The following CILK1 variants were observed in gnomAD, a reference collection of about 807,000 sequenced individuals.
CILK1 encodes the protein serine/threonine-protein kinase ICK.
CILK1 carries 47 observed loss-of-function variants against 79.2 expected under a neutral mutation model. The ratio of observed to expected loss-of-function variants is 0.59; its 90% CI spans 0.47 to 0.76. The LOEUF (loss-of-function observed/expected upper bound fraction) is 0.76. Ranked by LOEUF, CILK1 falls within the 30% of genes least tolerant of loss-of-function variation. The pLI, the probability that CILK1 is intolerant of heterozygous loss-of-function variation, is 0.00. For synonymous variants in CILK1, 266 were observed against 275.9 expected (o/e 0.96, Z 0.36); for missense variants, 660 against 769.5 (o/e 0.86, Z 1.68).
chr6:53,047,076 A>G (rs1767128199), intron 1 of CILK1, among the ~76,000 whole-genome samples: 1 of 152,150 alleles, frequency 6.6e-6, no homozygotes, highest in Non-Finnish European at 1.5e-5. Context: ...AACCTTTAAC[A>G]TTTACTCATG....
At chr6:53,012,619 C>T (rs1764643831) in intron 9 of CILK1, among the ~76,000 whole-genome samples, 1 of 152,108 alleles carries the variant, frequency 6.6e-6, no homozygotes, top group African/African-American at 2.4e-5. Flanking sequence ...GAAATCAATG[C>T]AAATAATGCT....
intron 9 of CILK1, among the ~76,000 whole-genome samples, chr6:53,012,973 A>C (rs899274774): frequency 6.6e-6 from 1 of 152,254 alleles, no homozygotes; most frequent in African/African-American, 2.4e-5. Context: ...GAGCAGAAAG[A>C]TCTGGGCTCA....
At chr6:53,023,999 G>C (rs1057468485) in intron 5 of CILK1, among the ~76,000 whole-genome samples, 1 of 152,178 alleles carries the variant, frequency 6.6e-6, no homozygotes, top group Non-Finnish European at 1.5e-5. Flanking sequence ...CCCACCACGG[G>C]GTTGCTTTTA....
Position 53,003,079 on chromosome 6 carries a change from T to C in CILK1, c.*2070A>G, listed in dbSNP as rs1764018867. On this transcript the variant is annotated 3_prime_UTR_variant, in exon 14 of 14. Transcript: ENST00000676107. ...TCATCTCTGAAAACACATGTTCTGA[T>C]GCTTTAGATAACGAGTTGAGAATAT... The C allele has an allele frequency of 6.5e-6, 1 of 152,692 alleles. No homozygotes were observed. Among genetic ancestry groups the C allele is most frequent in the Admixed American group, 6.5e-5 (1 of 15,288 alleles). 9.5% of individuals were successfully genotyped at this position (152,692 alleles called of 1,614,324 possible).
intron 8 of CILK1, among the ~76,000 whole-genome samples, chr6:53,015,452 T>C (rs1222061179): frequency 1.3e-5 from 2 of 152,254 alleles, no homozygotes; most frequent in Non-Finnish European, 2.9e-5. Flanking sequence ...TGTAGTTAGT[T>C]GCACTATTTG....
intron 1 of CILK1, among the ~76,000 whole-genome samples, chr6:53,042,091 GT>G (rs1421609122): frequency 6.6e-6 from 1 of 152,092 alleles, no homozygotes; most frequent in African/African-American, 2.4e-5. Context: ...GTTATATGTT[GT>G]TTGGCATAAA....
At chr6:53,018,640 A>G (rs1765037580) in intron 6 of CILK1, 139 bp from the exon 7 acceptor site, 2 of 825,364 alleles carry the variant, frequency 2.4e-6, no homozygotes, top group African/African-American at 3.5e-5. Context: ...AATTGTGAGA[A>G]CTTGGCAACT....
intron 12 of CILK1, among the ~76,000 whole-genome samples, chr6:53,006,794 T>TC: frequency 6.6e-6 from 1 of 152,244 alleles, no homozygotes; most frequent in Non-Finnish European, 1.5e-5. Context: ...AGAATAGTTA[T>TC]CCTTCCATGT....
At chr6:53,032,987 G>A (rs1766071135) in intron 3 of CILK1, among the ~76,000 whole-genome samples, 1 of 152,214 alleles carries the variant, frequency 6.6e-6, no homozygotes, top group South Asian at 2.1e-4. Context: ...AGAAGCCAGA[G>A]GGGAATCAAT....
Position 53,018,376 on chromosome 6 carries a change from A to T in CILK1, c.617T>A (p.Ile206Asn). The change falls in exon 7 of 14, where the codon ATT becomes AAT. Residue 206 changes from isoleucine (I) to asparagine (N), a missense_variant. By Grantham distance (149) the Ile-to-Asn change is moderately radical. Coordinates refer to ENST00000676107, the MANE Select transcript of CILK1 (RefSeq NM_014920.5). ...TTGGCAAATTTTGAATATTGTGTCA[A>T]TTTCACTGGCTCCAGGGAAGAGTGG... ...LRPLFPGASE[I>N]DTIFKICQVL... is the part of the protein sequence containing the mutation. 6.2e-7 allele frequency: 1 copy of T among 1,614,190 alleles called. No homozygotes were observed. Among genetic ancestry groups the T allele is most frequent in the Non-Finnish European group, 8.5e-7 (1 of 1,180,034 alleles).
In CILK1 at chr6:53,002,084, CA is replaced by C. The variant is rs1192724636; in HGVS notation, c.*3064del. Reference sequence around the variant, plus strand: ...TATATAGTCCTTTAGGCAAGAGATACATTTAAAAAATTATTTGAAAATCAAG... The same window carrying C: ...TATATAGTCCTTTAGGCAAGAGATACTTTAAAAAATTATTTGAAAATCAAG... On this transcript the variant is annotated 3_prime_UTR_variant, in exon 14 of 14. Transcript: ENST00000676107. 6.6e-6 allele frequency: 1 copy of C among 152,350 alleles called. No homozygotes were observed. The highest frequency in any genetic ancestry group is 1.5e-5 in the Non-Finnish European group (1 of 68,028). 9.4% of individuals were successfully genotyped at this position (152,350 alleles called of 1,614,324 possible). A position where few individuals can be genotyped will look rare whatever the true frequency, so the allele number is the denominator to read the frequency against.
intron 5 of CILK1, among the ~76,000 whole-genome samples, chr6:53,022,809 T>A (rs1008708800): frequency 6.6e-6 from 1 of 152,218 alleles, no homozygotes; most frequent in African/African-American, 2.4e-5. Flanking sequence ...ATCTGCTCCA[T>A]GCCAGGCAAC....
chr6:53,009,947 C>A (rs930995551), intron 11 of CILK1, among the ~76,000 whole-genome samples: 2 of 152,222 alleles, frequency 1.3e-5, no homozygotes, highest in Non-Finnish European at 2.9e-5. Flanking sequence ...CTCTGCTCTC[C>A]TCTCTCTGTC....
At chr6:53,031,894 T>C (rs1765988767) in intron 4 of CILK1, among the ~76,000 whole-genome samples, 1 of 152,128 alleles carries the variant, frequency 6.6e-6, no homozygotes, top group Non-Finnish European at 1.5e-5. Context: ...AGTGCAATGG[T>C]GCGATGTCCG....
At position 53,018,320 on chromosome 6, in the gene CILK1, G is replaced by A. The variant is rs763065302; in HGVS notation, c.663+10C>T. On this transcript the variant is annotated intron_variant, in intron 7 of 13. Coordinates refer to ENST00000676107, the MANE Select transcript of CILK1 (RefSeq NM_014920.5). ...GCTTTGGCCCACTGGCCTTTGTTTT[G>A]TATCATTACCTTTTTTGGTGTCCCC... 4 of 1,613,636 alleles carry A rather than the reference G, an allele frequency of 2.5e-6. No homozygotes were observed. In the Admixed American group the frequency reaches 6.7e-5, roughly 27 times the overall value.
Position 53,041,336 on chromosome 6 carries a change from C to T in CILK1, c.-100G>A. On this transcript the variant is annotated 5_prime_UTR_variant, in exon 2 of 14. Coordinates refer to ENST00000676107, the MANE Select transcript of CILK1 (RefSeq NM_014920.5). ...AGAGTGTAACCAGATTTTTCGATGG[C>T]AGCACCAGCACAAGGTATTCAATAG... The T allele has an allele frequency of 1.3e-6, 1 of 784,762 alleles. No individual in the cohort carries two copies. The highest frequency in any genetic ancestry group is 2.3e-6 in the Non-Finnish European group (1 of 439,458). 48.6% of individuals were successfully genotyped at this position (784,762 alleles called of 1,614,324 possible).
chr6:53,051,408 T>C (rs552062361), intron 1 of CILK1, among the ~76,000 whole-genome samples: 81 of 152,332 alleles, frequency 5.3e-4, no homozygotes, highest in Non-Finnish European at 9.6e-4. Context: ...CTGAAACCAG[T>C]ATTCCTGAGT....
chr6:53,023,510 T>C (rs944276267), intron 5 of CILK1, among the ~76,000 whole-genome samples: 1 of 152,090 alleles, frequency 6.6e-6, no homozygotes, highest in African/African-American at 2.4e-5. Context: ...GAGAGAACAA[T>C]GACCCAGTAG....
Position 53,019,504 on chromosome 6 carries a change from T to C in CILK1, c.359-145A>G, listed in dbSNP as rs1046429608. On this transcript the variant is annotated intron_variant, in intron 5 of 13. Transcript: ENST00000676107. ...AGGCTTTATGCATTCATCCCACAGA[T>C]AATGTAGAGTCCTTCGAACTTCTCA... is the stretch of plus-strand genomic sequence containing the variant. 1.0e-5 allele frequency: 8 copies of C among 793,474 alleles called. No individual in the cohort carries two copies. The African/African-American group carries it at 1.0e-4, about 10-fold the overall frequency. 49.2% of individuals were successfully genotyped at this position (793,474 alleles called of 1,614,324 possible).
Sources: gnomAD v4.1 joint callset for allele counts (sites outside exome capture counted in the v4.1 genomes callset) on GRCh38, gnomAD v4.1.1 for gene constraint, MANE v1.5 for transcripts, NCBI Gene and HGNC (gene_info 2026-07-23, HGNC 2026-07-21) for gene names.